Variants in BMP2 observed in about 807,000 individuals in gnomAD.
The protein encoded by BMP2 is bone morphogenetic protein 2A.
BMP2 carries 2 observed loss-of-function variants against 28.8 expected under a neutral mutation model. The ratio of observed to expected loss-of-function variants is 0.07; its 90% CI spans 0.03 to 0.22. The LOEUF (loss-of-function observed/expected upper bound fraction) is 0.22. Ranked by LOEUF, BMP2 falls within the 10% of genes least tolerant of loss-of-function variation. BMP2 has a pLI of 1.00. For synonymous variants in BMP2, 218 were observed against 204.3 expected (o/e 1.07, Z -0.57); for missense variants, 437 against 517.7 (o/e 0.84, Z 1.51).
At chr20:6,776,371 T>C (rs746762346) in intron 2 of BMP2, among the ~76,000 whole-genome samples, 2 of 152,186 alleles carry the variant, frequency 1.3e-5, no homozygotes, top group African/African-American at 2.4e-5. Flanking sequence ...GAACCTTCTG[T>C]TCTGAGACCC....
chr20:6,768,895 G>T lies in BMP2; in HGVS notation c.-8+20G>T, dbSNP rs934171168. 8 of 389,032 alleles carry T rather than the reference G, an allele frequency of 2.1e-5. No homozygotes were observed. The highest frequency in any genetic ancestry group is 3.6e-5 in the Non-Finnish European group (8 of 221,634). 24.1% of individuals were successfully genotyped at this position (389,032 alleles called of 1,614,324 possible). On this transcript the variant is annotated intron_variant, in intron 1 of 2. Transcript: ENST00000378827. ...CTAAAGGTAGAGGACGCGGGCCAGG[G>T]CCCGGGGTGGGTGGTGGGTGGGAGG...
chr20:6,770,245 G>C lies in BMP2; in HGVS notation c.119G>C (p.Arg40Pro). 1.2e-6 allele frequency: 2 copies of C among 1,608,044 alleles called. No homozygotes were observed. Among genetic ancestry groups the C allele is most frequent in the Middle Eastern group, 1.7e-4 (1 of 6,058 alleles). Residue 40 changes from arginine to proline, a missense_variant, in exon 2 of 3, where the codon CGC becomes CCC. By Grantham distance (103) the Arg-to-Pro change is moderately radical (BLOSUM62 -2). This residue lies in a region of BMP2 where 363 missense variants were observed against 392.8 expected (regional missense o/e 0.92). Transcript: ENST00000378827. Reference sequence around the variant, plus strand: ...AAGTTCGCGGCGGCGTCGTCGGGCCGCCCCTCATCCCAGCCCTCTGACGAG... The same window carrying C: ...AAGTTCGCGGCGGCGTCGTCGGGCCCCCCCTCATCCCAGCCCTCTGACGAG... The part of the protein sequence containing the change: ...RRKFAAASSG[R>P]PSSQPSDEVL...
In BMP2 at chr20:6,770,100, C is replaced by G. The variant is rs372058568; in HGVS notation, c.-7-20C>G. Reference sequence around the variant, plus strand: ...GACTGGGCGGGGAACTCGGGTGACTCACGTCGGTCCTGTCCGCAGGTCGAC... The same window carrying G: ...GACTGGGCGGGGAACTCGGGTGACTGACGTCGGTCCTGTCCGCAGGTCGAC... On this transcript the variant is annotated intron_variant, in intron 1 of 2. Transcript: ENST00000378827. 6.6e-7 allele frequency: 1 copy of G among 1,510,522 alleles called. No individual in the cohort carries two copies. Among genetic ancestry groups the G allele is most frequent in the Admixed American group, 2.0e-5 (1 of 49,898 alleles). 93.6% of individuals were successfully genotyped at this position (1,510,522 alleles called of 1,614,324 possible). A position where few individuals can be genotyped will look rare whatever the true frequency, so the allele number is the denominator to read the frequency against.
Position 6,778,329 on chromosome 20 carries a change from T to C in BMP2, c.431T>C (p.Phe144Ser), listed in dbSNP as rs756741663. ...FNLSSIPTEEFITSAELQVFR... is the reference protein window; with the variant it reads ...FNLSSIPTEESITSAELQVFR... Reference sequence around the variant, plus strand: ...TTAAGTTCTATCCCCACGGAGGAGTTTATCACCTCAGCAGAGCTTCAGGTT... The same window carrying C: ...TTAAGTTCTATCCCCACGGAGGAGTCTATCACCTCAGCAGAGCTTCAGGTT... The change falls in exon 3 of 3, where the codon TTT becomes TCT. Residue 144 changes from phenylalanine (F) to serine (S), a missense_variant. By Grantham distance (155) the Phe-to-Ser change is radical. This residue lies in a region of BMP2 where 363 missense variants were observed against 392.8 expected (regional missense o/e 0.92). Transcript: ENST00000378827. The surrounding 1 kb of genome is among the most constrained non-coding windows in gnomAD (Gnocchi z 5.0). 14 of 1,614,168 alleles carry C rather than the reference T, an allele frequency of 8.7e-6. 1 individual carries two copies. Among genetic ancestry groups the C allele is most frequent in the Admixed American group, 3.3e-5 (2 of 60,020 alleles).
chr20:6,769,712 A>G (rs898599812), intron 1 of BMP2, among the ~76,000 whole-genome samples: 3 of 151,318 alleles, frequency 2.0e-5, no homozygotes, highest in African/African-American at 7.3e-5. Flanking sequence ...TTTATATGCC[A>G]GACAGCGCTC....
rs1330270846 is a variant in BMP2 at position 6,767,849 on chromosome 20, A to C, written c.-1034A>C. The C allele has an allele frequency of 2.9e-6, 1 of 348,396 alleles. No homozygotes were observed. Among genetic ancestry groups the C allele is most frequent in the Non-Finnish European group, 5.1e-6 (1 of 194,474 alleles). 21.6% of individuals were successfully genotyped at this position (348,396 alleles called of 1,614,324 possible). On this transcript the variant is annotated 5_prime_UTR_variant, in exon 1 of 3. Coordinates refer to ENST00000378827, the MANE Select transcript of BMP2 (RefSeq NM_001200.4). The stretch of plus-strand genomic sequence containing the variant: ...CGGCTACCCGAACGTTCTCGGGGCC[A>C]GCGCCGAGTGGATCACCGGGGACCG...
At chr20:6,773,761 G>C (rs1986445640) in intron 2 of BMP2, among the ~76,000 whole-genome samples, 1 of 151,812 alleles carries the variant, frequency 6.6e-6, no homozygotes, top group African/African-American at 2.4e-5. Context: ...TCAGTTGTCT[G>C]TTATTTTATT....
chr20:6,767,997 G>A lies in BMP2; in HGVS notation c.-886G>A. The stretch of plus-strand genomic sequence containing the variant: ...GCGGACGGGCGCGCAGAGCGCCGGG[G>A]ACTCCGGAGCCGATCCCTAGCGCCG... On this transcript the variant is annotated 5_prime_UTR_variant, in exon 1 of 3. Coordinates refer to ENST00000378827, the MANE Select transcript of BMP2 (RefSeq NM_001200.4). The A allele has an allele frequency of 2.5e-6, 1 of 397,338 alleles. No homozygotes were observed. Among genetic ancestry groups the A allele is most frequent in the Non-Finnish European group, 4.4e-6 (1 of 225,404 alleles). The allele number at this position is 397,338 out of a possible 1,614,324, so 24.6% of individuals were successfully genotyped here.
chr20:6,771,683 G>T (rs779067705), intron 2 of BMP2, among the ~76,000 whole-genome samples: 1 of 152,184 alleles, frequency 6.6e-6, no homozygotes, highest in African/African-American at 2.4e-5. Context: ...CAGAAGATAC[G>T]TTCTCATTGA....
chr20:6,769,612 G>GGTGTGTGTGTGTGTGTGTGT (rs61071559), intron 1 of BMP2, among the ~76,000 whole-genome samples: 1 of 139,906 alleles, frequency 7.1e-6, no homozygotes, highest in Non-Finnish European at 1.5e-5. Flanking sequence ...AAGCTATAAG[G>GGTGTGTGTGTGTGTGTGTGT]GTGTGTGTGT....
chr20:6,768,766 C>A lies in BMP2; in HGVS notation c.-117C>A, dbSNP rs575575091. 5.0e-6 allele frequency: 2 copies of A among 398,444 alleles called. No individual in the cohort carries two copies. Among genetic ancestry groups the A allele is most frequent in the South Asian group, 2.6e-4 (2 of 7,830 alleles). 24.7% of individuals were successfully genotyped at this position (398,444 alleles called of 1,614,324 possible). ...AGAAGGAGGAGGCAAAGAAAAGGAA[C>A]GGACATTCGGTCCTTGCGCCAGGTC... On this transcript the variant is annotated 5_prime_UTR_variant, in exon 1 of 3. Transcript: ENST00000378827.
In BMP2 at chr20:6,770,264, T is replaced by C. The variant is rs1244790669; in HGVS notation, c.138T>C (p.Ser46=). The C allele has an allele frequency of 4.3e-6, 7 of 1,612,400 alleles. No homozygotes were observed. The South Asian group carries it at 5.5e-5, about 13-fold the overall frequency. The change falls in exon 2 of 3, where the codon TCT becomes TCC. Residue 46 remains serine, a synonymous_variant. Coordinates refer to ENST00000378827, the MANE Select transcript of BMP2 (RefSeq NM_001200.4). ...CGGGCCGCCCCTCATCCCAGCCCTC[T>C]GACGAGGTCCTGAGCGAGTTCGAGT... ...ASSGRPSSQP[S]DEVLSEFELR... is the part of the protein sequence containing the mutation.
rs377506952 is a variant in BMP2, at chr20:6,770,345, C to T, written c.219C>T (p.Ala73=). The change falls in exon 2 of 3, where the codon GCC becomes GCT. Residue 73 remains alanine (A), a synonymous_variant. Transcript: ENST00000378827. The part of the protein sequence containing the change: ...LKQRPTPSRD[A]VVPPYMLDLY... ...AGAGACCCACCCCCAGCAGGGACGC[C>T]GTGGTGCCCCCCTACATGCTAGACC... is the stretch of plus-strand genomic sequence containing the variant. 3.7e-6 allele frequency: 6 copies of T among 1,613,378 alleles called. No individual in the cohort carries two copies. In the African/African-American group the frequency reaches 8.0e-5, roughly 22 times the overall value.
chr20:6,770,017 C>T, intron 1 of BMP2, 103 bp from the exon 2 acceptor site: 1 of 1,239,194 alleles, frequency 8.1e-7, no homozygotes, highest in Non-Finnish European at 1.1e-6. Context: ...AGGAGGGCAT[C>T]CTGGAGGAGG....
intron 2 of BMP2, among the ~76,000 whole-genome samples, chr20:6,771,611 G>A (rs755162283): frequency 2.0e-5 from 3 of 152,194 alleles, no homozygotes; most frequent in Non-Finnish European, 4.4e-5. Context: ...TGTGAAGGGT[G>A]ACTTATACTT....
chr20:6,767,754 G>T lies in BMP2; in HGVS notation c.-1129G>T, dbSNP rs1244562314. The T allele has an allele frequency of 1.4e-5, 3 of 211,392 alleles. No homozygotes were observed. Among genetic ancestry groups the T allele is most frequent in the African/African-American group, 2.3e-5 (1 of 42,810 alleles). 13.1% of individuals were successfully genotyped at this position (211,392 alleles called of 1,614,324 possible). A position where few individuals can be genotyped will look rare whatever the true frequency, so the allele number is the denominator to read the frequency against. Reference sequence around the variant, plus strand: ...GCTGCGCCCGGCTCGCGCTGCGCTAGTCGCTCCGCTTCCCACACCCCGCCG... The same window carrying T: ...GCTGCGCCCGGCTCGCGCTGCGCTATTCGCTCCGCTTCCCACACCCCGCCG... On this transcript the variant is annotated 5_prime_UTR_variant, in exon 1 of 3. Transcript: ENST00000378827.
At chr20:6,775,786 C>T (rs1331201411) in intron 2 of BMP2, among the ~76,000 whole-genome samples, 1 of 152,060 alleles carries the variant, frequency 6.6e-6, no homozygotes, top group Non-Finnish European at 1.5e-5. Flanking sequence ...ATCGTCTGGC[C>T]ATGTGGGTGT....
chr20:6,775,792 G>A (rs1404462340), intron 2 of BMP2, among the ~76,000 whole-genome samples: 2 of 152,052 alleles, frequency 1.3e-5, no homozygotes, highest in African/African-American at 4.8e-5. Flanking sequence ...TGGCCATGTG[G>A]GTGTGTACGT....
rs1243922071 is a variant in BMP2 at position 6,768,169 on chromosome 20, G to C, written c.-714G>C. On this transcript the variant is annotated 5_prime_UTR_variant, in exon 1 of 3. Transcript: ENST00000378827. ...ACAGCCACCCGCCTCGGCGGCCCGGGACTCGGCTCGACTCGCCGGAGAATG... is the reference window on the plus strand; with the variant it reads ...ACAGCCACCCGCCTCGGCGGCCCGGCACTCGGCTCGACTCGCCGGAGAATG... The C allele has an allele frequency of 2.5e-6, 1 of 398,072 alleles. No individual in the cohort carries two copies. Among genetic ancestry groups the C allele is most frequent in the East Asian group, 3.6e-5 (1 of 28,044 alleles). 24.7% of individuals were successfully genotyped at this position (398,072 alleles called of 1,614,324 possible).
Sources: allele counts gnomAD v4.1 joint callset (sites outside exome capture counted in the v4.1 genomes callset), GRCh38; gene constraint gnomAD v4.1.1; regional missense constraint gnomAD v4.1.1; non-coding constraint Gnocchi (gnomAD v3.1); transcripts MANE v1.5; gene names NCBI Gene and HGNC (gene_info 2026-07-23, HGNC 2026-07-21).